The following BCL7B variants were observed in gnomAD, a reference collection of about 807,000 sequenced individuals.
BCL7B encodes B-cell CLL/lymphoma 7 protein family member B.
In BCL7B, 11 loss-of-function variants were observed where a neutral mutation model predicts 26.5. The ratio of observed to expected loss-of-function variants is 0.42; its 90% CI spans 0.26 to 0.69. The LOEUF is 0.69. BCL7B is among the 30% of genes least tolerant of loss of function. BCL7B has a pLI of 0.28. For synonymous variants in BCL7B, 111 were observed against 107.9 expected, an observed-to-expected ratio of 1.03 and a Z score of -0.18; for missense variants, 215 against 264.4, an observed-to-expected ratio of 0.81 and a Z score of 1.30.
rs1791925125 is a variant in BCL7B, at chr7:73,545,614, G to C, written c.169-1970C>G. On this transcript the variant is annotated intron_variant, in intron 2 of 5. Coordinates refer to ENST00000223368, the MANE Select transcript of BCL7B (RefSeq NM_001707.4). ...TGACCTTTGACCCCTGTGGGTAATGGCCAGAGCCAGGCTGGATGGGGGAAT... is the reference window on the plus strand; with the variant it reads ...TGACCTTTGACCCCTGTGGGTAATGCCCAGAGCCAGGCTGGATGGGGGAAT... Among the ~76,000 whole-genome samples, 5 of 152,110 alleles carry C rather than the reference G, an allele frequency of 3.3e-5. No homozygotes were observed. The South Asian group carries it at 1.0e-3, about 32-fold the overall frequency.
intron 2 of BCL7B, among the ~76,000 whole-genome samples, chr7:73,550,234 G>A (rs1792106512): frequency 1.3e-5 from 2 of 152,250 alleles, no homozygotes; most frequent in South Asian, 2.1e-4. Flanking sequence ...TATATTTACA[G>A]ATACATGGAG....
In BCL7B at chr7:73,537,320, G is replaced by A. The variant is rs576551566; in HGVS notation, c.587C>T (p.Pro196Leu). The A allele has an allele frequency of 2.5e-4, 407 of 1,614,136 alleles. 5 individuals carry two copies. In the South Asian group the frequency reaches 4.0e-3, roughly 16 times the overall value. The part of the protein sequence containing the change: ...KRFCVDQPTV[P>L]QTASES ...GTGCTAGCTTTCTGACGCCGTCTGC[G>A]GCACTGTGGGTTGGTCCACACAGAA... The change falls in exon 6 of 6, where the codon CCG becomes CTG. Residue 196 changes from proline (P) to leucine (L), a missense_variant. Transcript: ENST00000223368.
intron 1 of BCL7B, among the ~76,000 whole-genome samples, chr7:73,556,523 C>T (rs782207939): frequency 2.0e-5 from 3 of 152,190 alleles, no homozygotes; most frequent in Admixed American, 6.6e-5. Flanking sequence ...TACAAAAGAG[C>T]TGACGAAGTT....
intron 1 of BCL7B, among the ~76,000 whole-genome samples, chr7:73,555,896 G>C (rs560000375): frequency 6.6e-6 from 1 of 152,142 alleles, no homozygotes; most frequent in East Asian, 1.9e-4. Context: ...CTTTAAAAAG[G>C]TCACTCCGCT....
In BCL7B at chr7:73,540,020, C is replaced by T. The variant is rs562565097; in HGVS notation, c.298G>A (p.Val100Ile). ...CTGCTGTCCACCTTAAGCTGATAGA[C>T]GTCAGACACGGAACTCTGGTTGCTG... ...ENSNQSSVSDVYQLKVDSSTN... is the reference protein window; with the variant it reads ...ENSNQSSVSDIYQLKVDSSTN... The change falls in exon 4 of 6, where the codon GTC (valine) becomes ATC (isoleucine). Residue 100 changes from valine (V) to isoleucine (I), a missense_variant. Physicochemically the swap from Val to Ile is conservative, Grantham distance 29 (BLOSUM62 3). Transcript: ENST00000223368. The T allele has an allele frequency of 8.7e-6, 14 of 1,613,860 alleles. No homozygotes were observed. In the African/African-American group the frequency reaches 1.2e-4, roughly 14 times the overall value.
intron 1 of BCL7B, among the ~76,000 whole-genome samples, chr7:73,553,112 T>C (rs1364512711): frequency 6.7e-6 from 1 of 149,656 alleles, no homozygotes; most frequent in African/African-American, 2.5e-5. Context: ...GTAGAGATGG[T>C]TGGGGTGGTG....
intron 2 of BCL7B, among the ~76,000 whole-genome samples, chr7:73,546,084 A>G (rs906074106): frequency 4.9e-4 from 73 of 150,144 alleles, no homozygotes; most frequent in Non-Finnish European, 9.3e-4. Flanking sequence ...GTGAGCCAAG[A>G]TCGTGCCACT....
intron 2 of BCL7B, among the ~76,000 whole-genome samples, chr7:73,547,669 G>C (rs1554583604): frequency 6.6e-6 from 1 of 152,118 alleles, no homozygotes; most frequent in Admixed American, 6.6e-5. Flanking sequence ...TTTGAACCTA[G>C]AATTTCATAT....
At chr7:73,547,128 G>C (rs1199367978) in intron 2 of BCL7B, among the ~76,000 whole-genome samples, 1 of 151,230 alleles carries the variant, frequency 6.6e-6, no homozygotes, top group Non-Finnish European at 1.5e-5. Context: ...CTCCAGCCTG[G>C]GCAACAAGAG....
rs1792431543 is a variant in BCL7B, at chr7:73,557,665, C to A, written c.-87G>T. ...TCACGCGCCGCCGCCCGCCCGCCGCCGCCGCAGCGTCACAGCGGCCGTCGC... is the reference window on the plus strand; with the variant it reads ...TCACGCGCCGCCGCCCGCCCGCCGCAGCCGCAGCGTCACAGCGGCCGTCGC... On this transcript the variant is annotated 5_prime_UTR_variant, in exon 1 of 6. Transcript: ENST00000223368. 1 of 788,708 alleles carries A rather than the reference C, an allele frequency of 1.3e-6. No homozygotes were observed. The highest frequency in any genetic ancestry group is 5.9e-5 in the South Asian group (1 of 17,032). The allele number at this position is 788,708 out of a possible 1,614,324, so 48.9% of individuals were successfully genotyped here.
At chr7:73,548,111 CA>C (rs1364963449) in intron 2 of BCL7B, among the ~76,000 whole-genome samples, 16 of 144,930 alleles carry the variant, frequency 1.1e-4, no homozygotes, top group African/African-American at 1.5e-4. Flanking sequence ...CACCCTGTCT[CA>C]AAAAAAAAAA....
chr7:73,552,858 C>A (rs529689517), intron 1 of BCL7B, among the ~76,000 whole-genome samples: 1 of 152,254 alleles, frequency 6.6e-6, no homozygotes, highest in Admixed American at 6.5e-5. Flanking sequence ...TTTTTACTTG[C>A]ATGCGAGTTA....
At chr7:73,547,349 G>A (rs1270314595) in intron 2 of BCL7B, among the ~76,000 whole-genome samples, 2 of 152,140 alleles carry the variant, frequency 1.3e-5, no homozygotes, top group African/African-American at 2.4e-5. Flanking sequence ...TGTAGTCCCC[G>A]TTACTTGGGA....
chr7:73,545,511 C>T (rs1235370669), intron 2 of BCL7B, among the ~76,000 whole-genome samples: 5 of 152,122 alleles, frequency 3.3e-5, no homozygotes, highest in African/African-American at 9.7e-5. Context: ...CGTGAGCCAT[C>T]GCACTCGGCC....
intron 4 of BCL7B, 103 bp downstream of exon 4, chr7:73,539,779 C>A: frequency 7.2e-7 from 1 of 1,384,920 alleles, no homozygotes; most frequent in East Asian, 2.4e-5. Flanking sequence ...TGCTGCCTGG[C>A]TCTGAGGTGC....
chr7:73,551,958 G>A (rs1396019865), intron 2 of BCL7B, among the ~76,000 whole-genome samples: 1 of 151,852 alleles, frequency 6.6e-6, no homozygotes, highest in Non-Finnish European at 1.5e-5. Context: ...GCTGGGTGTG[G>A]TGGCAGATGC....
At chr7:73,552,282 A>T in intron 1 of BCL7B, 40 bp from the exon 2 acceptor site, 1 of 1,505,600 alleles carries the variant, frequency 6.6e-7, no homozygotes, top group South Asian at 1.2e-5. Context: ...AAAACAATGC[A>T]ATGTGTTTTC....
At chr7:73,553,127 G>A (rs1259271021) in intron 1 of BCL7B, among the ~76,000 whole-genome samples, 5 of 149,016 alleles carry the variant, frequency 3.4e-5, no homozygotes, top group African/African-American at 1.3e-4. Context: ...GTGGTGGGGT[G>A]GGGGTGGGGG....
In BCL7B at chr7:73,539,915, G is replaced by A; in HGVS notation, c.403C>T (p.Gln135Ter). 6.2e-7 allele frequency: 1 copy of A among 1,613,986 alleles called. No individual in the cohort carries two copies. Residue 135 changes from glutamine to a stop codon, truncating the protein, a stop_gained, in exon 4 of 6, where the codon CAG (glutamine) becomes TAG (stop). Coordinates refer to ENST00000223368, the MANE Select transcript of BCL7B (RefSeq NM_001707.4). LOFTEE classifies it high-confidence loss of function. Reference protein sequence around the residue: ...HTSDFRTDDSQPPTLGQEILE... With the variant: ...HTSDFRTDDS ...ATCTCCTGGCCCAGCGTTGGGGGCT[G>A]GGAGTCATCCGTGCGGAAGTCGGAG...
Sources: allele counts gnomAD v4.1 joint callset (sites outside exome capture counted in the v4.1 genomes callset), GRCh38; gene constraint gnomAD v4.1.1; transcripts MANE v1.5; gene names NCBI Gene and HGNC (gene_info 2026-07-23, HGNC 2026-07-21).